Variants in MFSD1 observed in about 807,000 individuals in gnomAD.
The protein encoded by MFSD1 is major facilitator superfamily domain containing 1, also known as lysosomal dipeptide transporter MFSD1.
A neutral mutation model predicts 67.1 loss-of-function variants in MFSD1; 59 were observed. The observed-to-expected ratio is 0.88, with a 90% confidence interval of 0.71 to 1.09. The LOEUF is 1.09. Ranked by LOEUF, MFSD1 falls within the 50% of genes least tolerant of loss-of-function variation. The pLI, the probability that MFSD1 is intolerant of heterozygous loss-of-function variation, is 0.00. For missense variants in MFSD1, 552 were observed against 566.1 expected (o/e 0.97, Z 0.25); for synonymous variants, 213 against 200.3 (o/e 1.06, Z -0.54).
At chr3:158,813,158 T>A (rs1730126348) in intron 6 of MFSD1, among the ~76,000 whole-genome samples, 1 of 151,758 alleles carries the variant, frequency 6.6e-6, no homozygotes, top group African/African-American at 2.4e-5. Context: ...TCTTCTTTTT[T>A]TTTTTTTGAG....
At chr3:158,820,148 G>A (rs1730598305) in intron 8 of MFSD1, 67 bp from the exon 9 acceptor site, 1 of 783,954 alleles carries the variant, frequency 1.3e-6, no homozygotes. Flanking sequence ...AAATAATCTT[G>A]ACTATAGATG....
chr3:158,806,945 A>G, intron 3 of MFSD1, 95 bp from the exon 4 acceptor site: 1 of 1,052,826 alleles, frequency 9.5e-7, no homozygotes, highest in African/African-American at 1.6e-5. Flanking sequence ...ATTATTACTA[A>G]AGGACTTTGT....
intron 6 of MFSD1, among the ~76,000 whole-genome samples, chr3:158,812,852 C>T (rs566014009): frequency 6.6e-6 from 1 of 152,242 alleles, no homozygotes; most frequent in South Asian, 2.1e-4. Flanking sequence ...TTGCACTGTT[C>T]CAGCCTCTGC....
chr3:158,826,185 A>T, intron 14 of MFSD1, 123 bp downstream of exon 14: 3 of 637,598 alleles, frequency 4.7e-6, no homozygotes, highest in Non-Finnish European at 5.6e-6. Context: ...GTTCATAATG[A>T]TGGAAACACA....
intron 13 of MFSD1, 78 bp downstream of exon 13, chr3:158,824,314 C>G: frequency 2.0e-6 from 2 of 1,010,892 alleles, no homozygotes; most frequent in Non-Finnish European, 3.0e-6. Context: ...GGCATAGCTC[C>G]CAGATTTGCC....
chr3:158,827,631 G>A (rs1731052742), intron 15 of MFSD1, among the ~76,000 whole-genome samples: 1 of 151,914 alleles, frequency 6.6e-6, no homozygotes, highest in Admixed American at 6.6e-5. Context: ...GCCCAGGCTG[G>A]TCTAGAACTC....
intron 6 of MFSD1, among the ~76,000 whole-genome samples, chr3:158,811,262 C>T (rs1234846542): frequency 6.6e-6 from 1 of 152,200 alleles, no homozygotes; most frequent in Admixed American, 6.5e-5. Flanking sequence ...ACTCTGCCCA[C>T]CATCCCCTAA....
chr3:158,815,989 T>C (rs1730313857), intron 7 of MFSD1, among the ~76,000 whole-genome samples: 1 of 152,142 alleles, frequency 6.6e-6, no homozygotes, highest in African/African-American at 2.4e-5. Context: ...GAACTCATCA[T>C]TTTTTATGGC....
Position 158,820,260 on chromosome 3 carries a change from T to G in MFSD1, c.797T>G (p.Leu266Arg). Reference sequence around the variant, plus strand: ...GATGTAAAGGACTTCTCCTTACCCCTGTGGCTTATATTTATCATCTGTGTC... The same window carrying G: ...GATGTAAAGGACTTCTCCTTACCCCGGTGGCTTATATTTATCATCTGTGTC... ...LTDVKDFSLPLWLIFIICVCY... is the reference protein window; with the variant it reads ...LTDVKDFSLPRWLIFIICVCY... Residue 266 changes from leucine (L) to arginine (R), a missense_variant, in exon 9 of 16, where the codon CTG (leucine) becomes CGG (arginine). Leu to Arg is a moderately radical substitution (Grantham distance 102, BLOSUM62 -2). Transcript: ENST00000415822. 1.2e-6 allele frequency: 2 copies of G among 1,612,094 alleles called. No homozygotes were observed. Among genetic ancestry groups the G allele is most frequent in the Non-Finnish European group, 1.7e-6 (2 of 1,178,368 alleles).
intron 1 of MFSD1, among the ~76,000 whole-genome samples, chr3:158,803,157 T>C (rs761395754): frequency 4.6e-5 from 7 of 152,232 alleles, no homozygotes; most frequent in Non-Finnish European, 8.8e-5. Flanking sequence ...GAAAAAAATT[T>C]TCCTTCCTAT....
chr3:158,819,635 T>G lies in MFSD1; in HGVS notation c.653-14T>G. The G allele has an allele frequency of 7.3e-7, 1 of 1,374,720 alleles. No individual in the cohort carries two copies. The highest frequency in any genetic ancestry group is 1.0e-6 in the Non-Finnish European group (1 of 1,000,998). 85.2% of individuals were successfully genotyped at this position (1,374,720 alleles called of 1,614,324 possible). A position where few individuals can be genotyped will look rare whatever the true frequency, so the allele number is the denominator to read the frequency against. On this transcript the variant is annotated splice_polypyrimidine_tract_variant and intron_variant, in intron 7 of 15. Coordinates refer to ENST00000415822, the MANE Select transcript of MFSD1 (RefSeq NM_022736.4). ...TTCAAAGTCTGTTTTTCTTTTTTTT[T>G]TTTTTTTATTTAGGGGGTATAACGT...
intron 15 of MFSD1, 30 bp from the exon 16 acceptor site, chr3:158,828,948 CT>C (rs1731150147): frequency 3.8e-6 from 6 of 1,592,434 alleles, no homozygotes; most frequent in Non-Finnish European, 5.1e-6. Flanking sequence ...TTTTCTTCCT[CT>C]TTGGTAATTT....
intron 3 of MFSD1, among the ~76,000 whole-genome samples, chr3:158,806,325 T>C (rs777677846): frequency 7.9e-5 from 12 of 151,994 alleles, no homozygotes; most frequent in Non-Finnish European, 1.8e-4. Context: ...CTTGGTCAGA[T>C]TGGCAGGAGA....
At chr3:158,824,091 A>C (rs776867833) in intron 12 of MFSD1, 33 bp from the exon 13 acceptor site, 1 of 1,499,648 alleles carries the variant, frequency 6.7e-7, no homozygotes, top group Non-Finnish European at 9.2e-7. Flanking sequence ...ACTTTTGAAA[A>C]TGAAATGTGT....
In MFSD1 at chr3:158,823,444, CCTA is replaced by C; in HGVS notation, c.1097_1099del (p.Tyr366del). 1 of 1,613,240 alleles carries C rather than the reference CCTA, an allele frequency of 6.2e-7. No individual in the cohort carries two copies. The highest frequency in any genetic ancestry group is 8.5e-7 in the Non-Finnish European group (1 of 1,179,222). ...TTTCTGTAGTGTCTTCTGGGACTCT[CCTA>C]CTCATTGCTTGCCTGTGCATTGTGG... is the stretch of plus-strand genomic sequence containing the variant. On this transcript the variant is annotated inframe_deletion, in exon 12 of 16. Transcript: ENST00000415822.
At position 158,819,643 on chromosome 3, in the gene MFSD1, A is replaced by G; in HGVS notation, c.653-6A>G. ...CTGTTTTTCTTTTTTTTTTTTTTTT[A>G]TTTAGGGGGTATAACGTGTATTCTT... On this transcript the variant is annotated splice_region_variant and splice_polypyrimidine_tract_variant and intron_variant, in intron 7 of 15. Coordinates refer to ENST00000415822, the MANE Select transcript of MFSD1 (RefSeq NM_022736.4). 1 of 1,217,636 alleles carries G rather than the reference A, an allele frequency of 8.2e-7. No homozygotes were observed. Among genetic ancestry groups the G allele is most frequent in the Non-Finnish European group, 1.1e-6 (1 of 929,252 alleles). 75.4% of individuals were successfully genotyped at this position (1,217,636 alleles called of 1,614,324 possible).
rs994418943 is a variant in MFSD1 at position 158,815,129 on chromosome 3, G to A, written c.652+1062G>A. 3.6e-4 allele frequency among the ~76,000 whole-genome samples: 54 copies of A among 152,104 alleles called. 1 individual carries two copies. The highest frequency in any genetic ancestry group is 2.2e-3 in the Admixed American group (33 of 15,266). On this transcript the variant is annotated intron_variant, in intron 7 of 15. Coordinates refer to ENST00000415822, the MANE Select transcript of MFSD1 (RefSeq NM_022736.4). ...AACCAACCAACCAACCAAACAAAAC[G>A]TCCATAGCATAAGGGAGAATTGCTT... is the stretch of plus-strand genomic sequence containing the variant.
intron 13 of MFSD1, 81 bp downstream of exon 13, chr3:158,824,317 G>T: frequency 9.9e-7 from 1 of 1,007,956 alleles, no homozygotes; most frequent in Non-Finnish European, 1.5e-6. Flanking sequence ...ATAGCTCCCA[G>T]ATTTGCCTAA....
intron 14 of MFSD1, among the ~76,000 whole-genome samples, chr3:158,826,759 C>G (rs1018952463): frequency 5.3e-5 from 8 of 151,762 alleles, no homozygotes; most frequent in African/African-American, 1.9e-4. Flanking sequence ...CCTCAACCTC[C>G]CAGGATCAAG....
Sources: allele counts gnomAD v4.1 joint callset (sites outside exome capture counted in the v4.1 genomes callset), GRCh38; gene constraint gnomAD v4.1.1; transcripts MANE v1.5; gene names NCBI Gene and HGNC (gene_info 2026-07-23, HGNC 2026-07-21).